The following FSTL5 variants were observed in gnomAD, a reference collection of about 807,000 sequenced individuals.
FSTL5 encodes the protein follistatin-related protein 5.
A neutral mutation model predicts 89.1 loss-of-function variants in FSTL5; 62 were observed. The ratio of observed to expected loss-of-function variants is 0.70; its 90% CI spans 0.57 to 0.86. The LOEUF is 0.86. Among genes scored for constraint, FSTL5 ranks in the 40% least tolerant of loss-of-function variants. The probability of loss-of-function intolerance (pLI) is 0.00; values close to 1 mark genes in which losing one functional copy is unlikely to be tolerated. For synonymous variants in FSTL5, 383 were observed against 346.2 expected (o/e 1.11, Z -1.18); for missense variants, 1,057 against 1,001.6 (o/e 1.06, Z -0.75).
At chr4:161,881,632 A>G (rs1007817657) in intron 4 of FSTL5, among the ~76,000 whole-genome samples, 1 of 152,088 alleles carries the variant, frequency 6.6e-6, no homozygotes, top group African/African-American at 2.4e-5. Flanking sequence ...AACTCCAGTG[A>G]AGAAAGTGCA....
intron 12 of FSTL5, among the ~76,000 whole-genome samples, chr4:161,492,030 A>G (rs1729896584): frequency 6.6e-6 from 1 of 152,224 alleles, no homozygotes; most frequent in African/African-American, 2.4e-5. Flanking sequence ...ATATGCAGCC[A>G]CATGTCAATT....
chr4:162,151,453 G>A (rs948683202), intron 1 of FSTL5, among the ~76,000 whole-genome samples: 1 of 152,068 alleles, frequency 6.6e-6, no homozygotes, highest in African/African-American at 2.4e-5. Context: ...TTCTGAAATA[G>A]AACAAAAAAT....
In FSTL5 at chr4:161,538,235, C is replaced by A. The variant is rs756146269; in HGVS notation, c.1243G>T (p.Ala415Ser). ...TCATCCACTCCTGCTTCATTCTTTG[C>A]GATACAAGTGTATGCTCCAGTATCT... The part of the protein sequence containing the change: ...YEDTGAYTCI[A>S]KNEAGVDEDI... The change falls in exon 10 of 16, where the codon GCA becomes TCA. Residue 415 changes from alanine (A) to serine (S), a missense_variant. Ala to Ser is a moderately conservative substitution (Grantham distance 99). Coordinates refer to ENST00000306100, the MANE Select transcript of FSTL5 (RefSeq NM_020116.5). The A allele has an allele frequency of 2.5e-6, 4 of 1,613,844 alleles. No homozygotes were observed. The highest frequency in any genetic ancestry group is 1.1e-5 in the South Asian group (1 of 91,074).
chr4:161,440,128 C>T (rs1350369320), intron 15 of FSTL5, among the ~76,000 whole-genome samples: 3 of 152,072 alleles, frequency 2.0e-5, no homozygotes, highest in Non-Finnish European at 2.9e-5. Flanking sequence ...TTATTTTTCC[C>T]TTTTGAGCAG....
chr4:161,889,544 T>C (rs942730488), intron 4 of FSTL5, among the ~76,000 whole-genome samples: 1 of 152,146 alleles, frequency 6.6e-6, no homozygotes, highest in Non-Finnish European at 1.5e-5. Flanking sequence ...CTCAGGAGGC[T>C]GAGGCAGGAG....
intron 2 of FSTL5, among the ~76,000 whole-genome samples, chr4:162,055,010 A>G (rs1254120538): frequency 6.6e-6 from 1 of 151,948 alleles, no homozygotes; most frequent in Non-Finnish European, 1.5e-5. Flanking sequence ...TGGTGCTGTC[A>G]AATCCAGTTA....
chr4:162,137,025 G>T (rs1049904647), intron 1 of FSTL5, among the ~76,000 whole-genome samples: 1 of 151,962 alleles, frequency 6.6e-6, no homozygotes, highest in African/African-American at 2.4e-5. Context: ...GTTACATATA[G>T]TGGGTATTAA....
chr4:161,741,876 C>T (rs570105230), intron 6 of FSTL5, among the ~76,000 whole-genome samples: 1 of 151,566 alleles, frequency 6.6e-6, no homozygotes, highest in East Asian at 1.9e-4. Flanking sequence ...TTAGTAGAGA[C>T]GGTTTCACCA....
At chr4:162,103,577 A>G (rs1731088231) in intron 2 of FSTL5, among the ~76,000 whole-genome samples, 1 of 152,210 alleles carries the variant, frequency 6.6e-6, no homozygotes, top group South Asian at 2.1e-4. Context: ...ATGCTTACAT[A>G]GCAAAGTCTT....
At chr4:161,962,472 T>G (rs1031396765) in intron 3 of FSTL5, among the ~76,000 whole-genome samples, 1 of 152,034 alleles carries the variant, frequency 6.6e-6, no homozygotes, top group African/African-American at 2.4e-5. Context: ...TACCTTGCTA[T>G]GAACTTGAGA....
At chr4:161,809,599 CAAT>C (rs1408303560) in intron 4 of FSTL5, among the ~76,000 whole-genome samples, 3 of 152,142 alleles carry the variant, frequency 2.0e-5, no homozygotes, top group Non-Finnish European at 4.4e-5. Context: ...GGAAGTGGGT[CAAT>C]GGATAAACAA....
intron 13 of FSTL5, among the ~76,000 whole-genome samples, chr4:161,459,902 C>T (rs1213370665): frequency 6.6e-6 from 1 of 151,506 alleles, no homozygotes; most frequent in Non-Finnish European, 1.5e-5. Flanking sequence ...TTTTTTTATG[C>T]ACCATGCTTG....
intron 4 of FSTL5, among the ~76,000 whole-genome samples, chr4:161,837,280 T>A (rs562917725): frequency 5.9e-5 from 9 of 152,088 alleles, no homozygotes; most frequent in African/African-American, 1.7e-4. Flanking sequence ...GTCCATGAAA[T>A]TGACTAACAA....
intron 13 of FSTL5, among the ~76,000 whole-genome samples, chr4:161,474,566 G>T (rs767020923): frequency 3.4e-5 from 5 of 148,098 alleles, no homozygotes; most frequent in Non-Finnish European, 7.4e-5. Context: ...TTTTGAGATG[G>T]GCGGAGTCTC....
At chr4:162,096,939 G>T (rs1730785653) in intron 2 of FSTL5, among the ~76,000 whole-genome samples, 1 of 151,812 alleles carries the variant, frequency 6.6e-6, no homozygotes, top group African/African-American at 2.4e-5. Flanking sequence ...AACTCAGTAG[G>T]ATTGATTATC....
intron 3 of FSTL5, among the ~76,000 whole-genome samples, chr4:161,998,161 G>A (rs74322059): frequency 0.055 from 8,437 of 152,198 alleles, 313 homozygotes; most frequent in Non-Finnish European, 0.074. Context: ...GACCAAGAAT[G>A]CCTTAAGGTC....
intron 3 of FSTL5, among the ~76,000 whole-genome samples, chr4:162,027,479 T>G (rs1737339931): frequency 6.6e-6 from 1 of 152,130 alleles, no homozygotes. Flanking sequence ...ATCTTATATA[T>G]ATAATGGCTT....
Position 161,385,940 on chromosome 4 carries a change from T to C in FSTL5, c.2351A>G (p.Glu784Gly). The C allele has an allele frequency of 1.2e-6, 2 of 1,613,968 alleles. No homozygotes were observed. The highest frequency in any genetic ancestry group is 8.5e-7 in the Non-Finnish European group (1 of 1,179,934). The change falls in exon 16 of 16, where the codon GAA becomes GGA. Residue 784 changes from glutamate (E) to glycine (G), a missense_variant. Glu to Gly is a moderately conservative substitution (Grantham distance 98). Transcript: ENST00000306100. ...GKVKMIKSLK[E>G]PLKAEEWPWN... ...AGGCCATTCTTCTGCCTTGAGTGGTTCCTTGAGACTCTTTATCATCTTGAC... is the reference window on the plus strand; with the variant it reads ...AGGCCATTCTTCTGCCTTGAGTGGTCCCTTGAGACTCTTTATCATCTTGAC...
At chr4:161,958,105 T>C (rs1211133628) in intron 3 of FSTL5, among the ~76,000 whole-genome samples, 1 of 152,064 alleles carries the variant, frequency 6.6e-6, no homozygotes, top group African/African-American at 2.4e-5. Context: ...TTCTACAGTG[T>C]CTGATCTGCT....
Sources: allele counts gnomAD v4.1 joint callset (sites outside exome capture counted in the v4.1 genomes callset), GRCh38; gene constraint gnomAD v4.1.1; transcripts MANE v1.5; gene names NCBI Gene and HGNC (gene_info 2026-07-23, HGNC 2026-07-21).